The following MAGI2 variants were observed in gnomAD, a reference collection of about 807,000 sequenced individuals.
MAGI2 encodes the protein membrane-associated guanylate kinase, WW and PDZ domain-containing protein 2.
A neutral mutation model predicts 133.3 loss-of-function variants in MAGI2; 35 were observed. The ratio of observed to expected loss-of-function variants is 0.26; its 90% CI spans 0.20 to 0.35. MAGI2 has a LOEUF of 0.35. Among genes scored for constraint, MAGI2 ranks in the 10% least tolerant of loss-of-function variants. MAGI2 has a pLI of 1.00. For missense variants in MAGI2, 1,636 were observed against 1,863.4 expected (o/e 0.88, Z 2.25); for synonymous variants, 729 against 710.6 (o/e 1.03, Z -0.41).
intron 2 of MAGI2, among the ~76,000 whole-genome samples, chr7:78,773,834 A>T (rs1321891375): frequency 6.6e-6 from 1 of 152,240 alleles, no homozygotes; most frequent in African/African-American, 2.4e-5. Flanking sequence ...TCTGAGATGT[A>T]ATGGCAAGTT....
chr7:78,899,057 T>A (rs1797416942), intron 2 of MAGI2, among the ~76,000 whole-genome samples: 1 of 152,180 alleles, frequency 6.6e-6, no homozygotes, highest in Admixed American at 6.5e-5. Context: ...TCTGGAGAGC[T>A]GGCTTCTCCA....
At chr7:79,376,798 C>T (rs762134398) in intron 1 of MAGI2, among the ~76,000 whole-genome samples, 1 of 148,718 alleles carries the variant, frequency 6.7e-6, no homozygotes, top group Non-Finnish European at 1.5e-5. Context: ...GAAAGTGAAA[C>T]CACAGATAAG....
At chr7:79,219,205 G>T (rs1390718124) in intron 1 of MAGI2, among the ~76,000 whole-genome samples, 1 of 151,928 alleles carries the variant, frequency 6.6e-6, no homozygotes, top group South Asian at 2.1e-4. Flanking sequence ...AATGGTTCTA[G>T]TTAAAAAGCA....
intron 6 of MAGI2, among the ~76,000 whole-genome samples, chr7:78,482,772 C>T (rs866694883): frequency 6.6e-6 from 1 of 151,474 alleles, no homozygotes; most frequent in Non-Finnish European, 1.5e-5. Context: ...ATAAGCATGG[C>T]TATGAAGGGG....
intron 2 of MAGI2, among the ~76,000 whole-genome samples, chr7:78,826,495 T>C (rs1029190818): frequency 3.3e-5 from 5 of 152,028 alleles, no homozygotes; most frequent in Admixed American, 6.5e-5. Flanking sequence ...TTTCCAGAGT[T>C]TGGTGGTAGT....
intron 1 of MAGI2, among the ~76,000 whole-genome samples, chr7:79,056,374 A>G (rs560597443): frequency 6.6e-6 from 1 of 152,334 alleles, no homozygotes; most frequent in South Asian, 2.1e-4. Flanking sequence ...AAAATCACGT[A>G]TAGTTATTTT....
At chr7:78,967,493 G>T (rs1224902753) in intron 2 of MAGI2, among the ~76,000 whole-genome samples, 1 of 151,778 alleles carries the variant, frequency 6.6e-6, no homozygotes, top group Non-Finnish European at 1.5e-5. Context: ...CTGTACTTTT[G>T]GTGTCATATT....
chr7:78,743,247 G>T lies in MAGI2; in HGVS notation c.419-116008C>A, dbSNP rs115793846. Among the ~76,000 whole-genome samples the T allele has an allele frequency of 9.3e-3, 1,410 of 152,222 alleles. 19 individuals carry two copies. Among genetic ancestry groups the T allele is most frequent in the African/African-American group, 0.032 (1,325 of 41,546 alleles). ...CCTATAAAGACAAAATCAATAAGCT[G>T]CAATCAAAATGCCTAAAAAGGAACT... is the stretch of plus-strand genomic sequence containing the variant. On this transcript the variant is annotated intron_variant, in intron 2 of 21. Transcript: ENST00000354212.
intron 1 of MAGI2, among the ~76,000 whole-genome samples, chr7:79,243,101 G>A (rs866610907): frequency 1.1e-4 from 17 of 151,704 alleles, no homozygotes; most frequent in African/African-American, 3.6e-4. Flanking sequence ...CTGTAATCCC[G>A]GGCAACAGAG....
intron 6 of MAGI2, among the ~76,000 whole-genome samples, chr7:78,415,070 T>C (rs899765459): frequency 2.0e-5 from 3 of 152,122 alleles, no homozygotes; most frequent in African/African-American, 7.2e-5. Context: ...TATCAGTCTT[T>C]CAAAAATTTC....
intron 6 of MAGI2, among the ~76,000 whole-genome samples, chr7:78,410,295 T>C (rs1583963072): frequency 6.6e-6 from 1 of 152,200 alleles, no homozygotes; most frequent in East Asian, 1.9e-4. Flanking sequence ...CTGTTATAAC[T>C]ATAGTAAAGT....
chr7:79,024,971 TCTA>T (rs1199277714), intron 1 of MAGI2, among the ~76,000 whole-genome samples: 1 of 152,044 alleles, frequency 6.6e-6, no homozygotes, highest in Admixed American at 6.6e-5. Context: ...TTAAAATAGA[TCTA>T]CTATTTGACC....
At chr7:79,439,150 T>G (rs1848336255) in intron 1 of MAGI2, among the ~76,000 whole-genome samples, 1 of 152,066 alleles carries the variant, frequency 6.6e-6, no homozygotes, top group Non-Finnish European at 1.5e-5. Flanking sequence ...CTCTTCTCTC[T>G]GCTTCCCACA....
intron 1 of MAGI2, chr7:79,411,720 T>C (rs1435379694): frequency 6.6e-6 from 1 of 152,112 alleles, no homozygotes; most frequent in East Asian, 1.9e-4. Context: ...GTTCCATGAA[T>C]AGTAGGTAGG....
In MAGI2 at chr7:78,891,237, T is replaced by A. The variant is rs150512626; in HGVS notation, c.418+115853A>T. Among the ~76,000 whole-genome samples, 1,278 of 152,282 alleles carry A rather than the reference T, an allele frequency of 8.4e-3. 21 individuals carry two copies. The highest frequency in any genetic ancestry group is 0.029 in the African/African-American group (1,220 of 41,546). Reference sequence around the variant, plus strand: ...GCTCTGAAATTGAGGCAATAATTAATAGCTTACCAACCAAAAAAAGTTCAG... The same window carrying A: ...GCTCTGAAATTGAGGCAATAATTAAAAGCTTACCAACCAAAAAAAGTTCAG... On this transcript the variant is annotated intron_variant, in intron 2 of 21. Coordinates refer to ENST00000354212, the MANE Select transcript of MAGI2 (RefSeq NM_012301.4).
intron 10 of MAGI2, among the ~76,000 whole-genome samples, chr7:78,250,780 T>C (rs1248128728): frequency 6.6e-6 from 1 of 152,092 alleles, no homozygotes; most frequent in East Asian, 1.9e-4. Flanking sequence ...TCAGACTAGA[T>C]GACTTCACTG....
At chr7:78,916,862 A>G (rs1158000269) in intron 2 of MAGI2, among the ~76,000 whole-genome samples, 1 of 152,146 alleles carries the variant, frequency 6.6e-6, no homozygotes, top group African/African-American at 2.4e-5. Flanking sequence ...GACATTCTGA[A>G]GGCGAATAGT....
intron 2 of MAGI2, among the ~76,000 whole-genome samples, chr7:78,638,067 A>C (rs1423327966): frequency 6.6e-6 from 1 of 152,098 alleles, no homozygotes; most frequent in Admixed American, 6.6e-5. Flanking sequence ...TGTTTCAAGA[A>C]AAAAATAAAA....
chr7:78,616,364 A>G (rs1431471802), intron 3 of MAGI2: 1 of 152,198 alleles, frequency 6.6e-6, no homozygotes, highest in Non-Finnish European at 1.5e-5. Context: ...AGAGAACATG[A>G]AAAAAGACAG....
Sources: gnomAD v4.1 joint callset for allele counts (sites outside exome capture counted in the v4.1 genomes callset) on GRCh38, gnomAD v4.1.1 for gene constraint, MANE v1.5 for transcripts, NCBI Gene and HGNC (gene_info 2026-07-23, HGNC 2026-07-21) for gene names.